MRPL51: variants seen among roughly 807,000 people sequenced by gnomAD.
MRPL51 encodes mitochondrial ribosomal protein L51.
In MRPL51, 6 loss-of-function variants were observed where a neutral mutation model predicts 15.0. The ratio of observed to expected loss-of-function variants is 0.40; its 90% CI spans 0.22 to 0.79. The LOEUF (loss-of-function observed/expected upper bound fraction) is 0.79, where lower values mean the gene tolerates loss of function less well. Among genes scored for constraint, MRPL51 ranks in the 30% least tolerant of loss-of-function variants. MRPL51 has a pLI of 0.36. For missense variants in MRPL51, 155 were observed against 166.4 expected, an observed-to-expected ratio of 0.93 and a Z score of 0.38; for synonymous variants, 65 against 58.3, an observed-to-expected ratio of 1.11 and a Z score of -0.52.
intron 2 of MRPL51, 119 bp downstream of exon 2, chr12:6,492,742 AC>A: frequency 1.0e-6 from 1 of 996,616 alleles, no homozygotes; most frequent in Non-Finnish European, 1.6e-6. Context: ...GTAAACAGCT[AC>A]ATAAGTGTTT....
In MRPL51 at chr12:6,492,882, T is replaced by C. The variant is rs762227478; in HGVS notation, c.170A>G (p.Tyr57Cys). ...CTTACCCAGGATCCCGATGTTGTCA[T>C]ACACTCCGAACATGGCCCTTTTCTC... ...WNEKRAMFGV[Y>C]DNIGILGNFE... Residue 57 changes from tyrosine (Y) to cysteine (C), a missense_variant, in exon 2 of 3, where the codon TAT (tyrosine) becomes TGT (cysteine). Physicochemically the swap from Tyr to Cys is radical, Grantham distance 194. Coordinates refer to ENST00000229238, the MANE Select transcript of MRPL51 (RefSeq NM_016497.4). 3 of 1,613,300 alleles carry C rather than the reference T, an allele frequency of 1.9e-6. No homozygotes were observed. Among genetic ancestry groups the C allele is most frequent in the African/African-American group, 1.3e-5 (1 of 75,004 alleles).
At position 6,493,258 on chromosome 12, in the gene MRPL51, G is replaced by T; in HGVS notation, c.-122C>A. The T allele has an allele frequency of 9.4e-7, 1 of 1,059,662 alleles. No homozygotes were observed. The highest frequency in any genetic ancestry group is 1.3e-6 in the Non-Finnish European group (1 of 742,190). The allele number at this position is 1,059,662 out of a possible 1,614,324, so 65.6% of individuals were successfully genotyped here. A position where few individuals can be genotyped will look rare whatever the true frequency, so the allele number is the denominator to read the frequency against. On this transcript the variant is annotated 5_prime_UTR_variant, in exon 1 of 3. The change creates a new upstream start codon in the 5' untranslated region. Coordinates refer to ENST00000229238, the MANE Select transcript of MRPL51 (RefSeq NM_016497.4). ...AGCCATCTTGGGCCTTACCCAGGCAGCTGTGGGCGCACCGCCCACCTACGC... is the reference window on the plus strand; with the variant it reads ...AGCCATCTTGGGCCTTACCCAGGCATCTGTGGGCGCACCGCCCACCTACGC...
chr12:6,492,835 T>C (rs760245225), intron 2 of MRPL51, 27 bp downstream of exon 2: 2 of 1,562,284 alleles, frequency 1.3e-6, no homozygotes, highest in South Asian at 2.2e-5. Context: ...TCTGAAATTG[T>C]GTACCACGTC....
rs768546150 is a variant in MRPL51, at chr12:6,492,989, G to A, written c.80-17C>T. 1 of 1,613,454 alleles carries A rather than the reference G, an allele frequency of 6.2e-7. No individual in the cohort carries two copies. Among genetic ancestry groups the A allele is most frequent in the South Asian group, 1.1e-5 (1 of 91,066 alleles). On this transcript the variant is annotated splice_polypyrimidine_tract_variant and intron_variant, in intron 1 of 2. Transcript: ENST00000229238. Reference sequence around the variant, plus strand: ...TAGGCACACCTGGGGATGGGGAAGGGAGGGAATTAATCTGAGCCGCCTATT... The same window carrying A: ...TAGGCACACCTGGGGATGGGGAAGGAAGGGAATTAATCTGAGCCGCCTATT...
chr12:6,493,167 C>T lies in MRPL51; in HGVS notation c.-31G>A, dbSNP rs938241992. 5 of 1,608,932 alleles carry T rather than the reference C, an allele frequency of 3.1e-6. No homozygotes were observed. The highest frequency in any genetic ancestry group is 4.2e-6 in the Non-Finnish European group (5 of 1,177,592). ...TAGTCTCCCCCCTTCAACAGCACAC[C>T]AAATAAGCCCAAGAAGATGACAGGA... On this transcript the variant is annotated 5_prime_UTR_variant, in exon 1 of 3. Transcript: ENST00000229238.
At position 6,492,318 on chromosome 12, in the gene MRPL51, T is replaced by C. The variant is rs954320496; in HGVS notation, c.340A>G (p.Ile114Val). The part of the protein sequence containing the change: ...ADDLHNLNKR[I>V]RYLYKHFNRH... Reference sequence around the variant, plus strand: ...TTAAAGTGTTTGTAGAGATAGCGGATGCGTTTATTAAGGTTGTGCAGGTCA... The same window carrying C: ...TTAAAGTGTTTGTAGAGATAGCGGACGCGTTTATTAAGGTTGTGCAGGTCA... The change falls in exon 3 of 3, where the codon ATC (isoleucine) becomes GTC (valine). Residue 114 changes from isoleucine to valine, a missense_variant. By Grantham distance (29) the Ile-to-Val change is conservative. Transcript: ENST00000229238. 1.2e-6 allele frequency: 2 copies of C among 1,613,420 alleles called. No homozygotes were observed. The highest frequency in any genetic ancestry group is 2.2e-5 in the East Asian group (1 of 44,884).
At chr12:6,492,600 C>A in intron 2 of MRPL51, 133 bp from the exon 3 acceptor site, 1 of 969,778 alleles carries the variant, frequency 1.0e-6, no homozygotes. Context: ...AGAACAATAG[C>A]ACAGACTCTG....
intron 2 of MRPL51, 59 bp downstream of exon 2, chr12:6,492,779 CTCTCTACACAGGAGGAAAAGATAG>C: frequency 7.3e-7 from 1 of 1,360,682 alleles, no homozygotes; most frequent in South Asian, 1.2e-5. Flanking sequence ...CACAGTACCA[CTCTCTACACAGGAGGAAAAGATAG>C]TCGTTACAGC....
Position 6,492,956 on chromosome 12 carries a change from GATCA to G in MRPL51, c.92_95del (p.Leu31SerfsTer3). On this transcript the variant is annotated frameshift_variant, in exon 2 of 3. Coordinates refer to ENST00000229238, the MANE Select transcript of MRPL51 (RefSeq NM_016497.4). LOFTEE classifies it high-confidence loss of function. The stretch of plus-strand genomic sequence containing the variant: ...GGGGCGGGAGAGTGAGCCTTATACC[GATCA>G]ATCTAGGCACACCTGGGGATGGGGA... The G allele has an allele frequency of 5.6e-6, 9 of 1,613,812 alleles. No individual in the cohort carries two copies. The Middle Eastern group carries it at 1.5e-3, about 266-fold the overall frequency.
In MRPL51 at chr12:6,491,958, A is replaced by T. The variant is rs539133668; in HGVS notation, c.*313T>A. 2.6e-4 allele frequency: 63 copies of T among 246,458 alleles called. No homozygotes were observed. Among genetic ancestry groups the T allele is most frequent in the Non-Finnish European group, 4.4e-4 (56 of 127,990 alleles). The allele number at this position is 246,458 out of a possible 1,614,324, so 15.3% of individuals were successfully genotyped here. ...TTAGAAACACTATTAACATAACAGC[A>T]TTATGTCAAAAAGCGCCAATAACAT... On this transcript the variant is annotated 3_prime_UTR_variant, in exon 3 of 3. Coordinates refer to ENST00000229238, the MANE Select transcript of MRPL51 (RefSeq NM_016497.4).
In MRPL51 at chr12:6,492,922, C is replaced by G. The variant is rs768173733; in HGVS notation, c.130G>C (p.Val44Leu). 4 of 1,614,096 alleles carry G rather than the reference C, an allele frequency of 2.5e-6. No individual in the cohort carries two copies. The Admixed American group carries it at 6.7e-5, about 27-fold the overall frequency. The change falls in exon 2 of 3, where the codon GTT (valine) becomes CTT (leucine). Residue 44 changes from valine to leucine, a missense_variant. Coordinates refer to ENST00000229238, the MANE Select transcript of MRPL51 (RefSeq NM_016497.4). ...IRLTLPPPKV[V>L]DRWNEKRAMF... ...GCCCTTTTCTCGTTCCAACGATCAA[C>G]CACTTTGGGGGGCGGGAGAGTGAGC...
At chr12:6,492,672 T>C (rs1304370551) in intron 2 of MRPL51, among the ~76,000 whole-genome samples, 190 bp downstream of exon 2, 2 of 152,220 alleles carry the variant, frequency 1.3e-5, no homozygotes, top group African/African-American at 4.8e-5. Context: ...GAAAAACTGT[T>C]TATTTTTACT....
At chr12:6,492,578 A>C (rs1421239519) in intron 2 of MRPL51, 111 bp from the exon 3 acceptor site, 1 of 1,051,852 alleles carries the variant, frequency 9.5e-7, no homozygotes, top group African/African-American at 1.6e-5. Context: ...TAGACAAGGA[A>C]CATTACAGTA....
intron 2 of MRPL51, 89 bp downstream of exon 2, chr12:6,492,773 G>C (rs1945934355): frequency 7.6e-7 from 1 of 1,309,486 alleles, no homozygotes; most frequent in Non-Finnish European, 1.1e-6. Flanking sequence ...ATTGAGCACA[G>C]TACCACTCTC....
chr12:6,492,202 A>G lies in MRPL51; in HGVS notation c.*69T>C. The G allele has an allele frequency of 1.4e-6, 2 of 1,449,398 alleles. No individual in the cohort carries two copies. The highest frequency in any genetic ancestry group is 1.9e-6 in the Non-Finnish European group (2 of 1,077,368). The allele number at this position is 1,449,398 out of a possible 1,614,324, so 89.8% of individuals were successfully genotyped here. A position where few individuals can be genotyped will look rare whatever the true frequency, so the allele number is the denominator to read the frequency against. ...AGAAAATACAAAGCCGTTTCCTCAC[A>G]GGGAAAAGTACAGTTTCCCTTCTCC... On this transcript the variant is annotated 3_prime_UTR_variant, in exon 3 of 3. Coordinates refer to ENST00000229238, the MANE Select transcript of MRPL51 (RefSeq NM_016497.4).
chr12:6,492,065 C>T lies in MRPL51; in HGVS notation c.*206G>A, dbSNP rs1243166297. The T allele has an allele frequency of 3.8e-6, 2 of 521,756 alleles. No homozygotes were observed. Among genetic ancestry groups the T allele is most frequent in the African/African-American group, 1.9e-5 (1 of 51,492 alleles). 32.3% of individuals were successfully genotyped at this position (521,756 alleles called of 1,614,324 possible). A position where few individuals can be genotyped will look rare whatever the true frequency, so the allele number is the denominator to read the frequency against. Reference sequence around the variant, plus strand: ...TGGTGTGAAGCCCAAACCTAAGATCCTAAGATCTAGGATGAGTCAAGACTT... The same window carrying T: ...TGGTGTGAAGCCCAAACCTAAGATCTTAAGATCTAGGATGAGTCAAGACTT... On this transcript the variant is annotated 3_prime_UTR_variant, in exon 3 of 3. Coordinates refer to ENST00000229238, the MANE Select transcript of MRPL51 (RefSeq NM_016497.4).
At position 6,492,879 on chromosome 12, in the gene MRPL51, T is replaced by C. The variant is rs1387311824; in HGVS notation, c.173A>G (p.Asp58Gly). ...NEKRAMFGVYDNIGILGNFEK... is the reference protein window; with the variant it reads ...NEKRAMFGVYGNIGILGNFEK... ...AGTCTTACCCAGGATCCCGATGTTG[T>C]CATACACTCCGAACATGGCCCTTTT... The change falls in exon 2 of 3, where the codon GAC becomes GGC. Residue 58 changes from aspartate (D) to glycine (G), a missense_variant. Physicochemically the swap from Asp to Gly is moderately conservative, Grantham distance 94. Coordinates refer to ENST00000229238, the MANE Select transcript of MRPL51 (RefSeq NM_016497.4). 3 of 1,612,958 alleles carry C rather than the reference T, an allele frequency of 1.9e-6. No homozygotes were observed. Among genetic ancestry groups the C allele is most frequent in the South Asian group, 1.1e-5 (1 of 91,066 alleles).
rs770421378 is a variant in MRPL51 at position 6,491,902 on chromosome 12, T to C, written c.*369A>G. ...GTACAGAAGTATGACTCCATTTTTCTCTTATATTTCATTTCAGTGTGGAAG... is the reference window on the plus strand; with the variant it reads ...GTACAGAAGTATGACTCCATTTTTCCCTTATATTTCATTTCAGTGTGGAAG... On this transcript the variant is annotated 3_prime_UTR_variant, in exon 3 of 3. Transcript: ENST00000229238. The C allele has an allele frequency of 2.3e-5, 4 of 172,308 alleles. No individual in the cohort carries two copies. Among genetic ancestry groups the C allele is most frequent in the Admixed American group, 5.9e-5 (1 of 16,998 alleles). The allele number at this position is 172,308 out of a possible 1,614,324, so 10.7% of individuals were successfully genotyped here. A position where few individuals can be genotyped will look rare whatever the true frequency, so the allele number is the denominator to read the frequency against.
rs747076308 is a variant in MRPL51, at chr12:6,492,257, C to T, written c.*14G>A. 1.1e-5 allele frequency: 18 copies of T among 1,578,240 alleles called. No individual in the cohort carries two copies. The highest frequency in any genetic ancestry group is 1.5e-5 in the Non-Finnish European group (18 of 1,163,688). On this transcript the variant is annotated 3_prime_UTR_variant, in exon 3 of 3. Coordinates refer to ENST00000229238, the MANE Select transcript of MRPL51 (RefSeq NM_016497.4). The stretch of plus-strand genomic sequence containing the variant: ...TGACAGATGAGCCTTTTCCGAAGTT[C>T]TCAGCTTTCTCTTCTATCGAAACTT...
Sources: gnomAD v4.1 joint callset for allele counts (sites outside exome capture counted in the v4.1 genomes callset) on GRCh38, gnomAD v4.1.1 for gene constraint, MANE v1.5 for transcripts, NCBI Gene and HGNC (gene_info 2026-07-23, HGNC 2026-07-21) for gene names.